The following ARK2C variants were observed in gnomAD, a reference collection of about 807,000 sequenced individuals.
ARK2C encodes E3 ubiquitin-protein ligase ARK2C.
chr18:46,352,752 C>T, the ARK2C span, among the ~76,000 whole-genome samples: 1 of 152,206 alleles, frequency 6.6e-6, no homozygotes, highest in African/African-American at 2.4e-5. Context: ...CACGTAACCA[C>T]CCTTAGCTGT....
the ARK2C span, among the ~76,000 whole-genome samples, chr18:46,426,656 A>G: frequency 1.3e-5 from 2 of 151,874 alleles, no homozygotes; most frequent in South Asian, 2.1e-4. Context: ...TAAGATGCAC[A>G]TTTTTCTTCT....
At chr18:46,342,370 G>A in the ARK2C span, among the ~76,000 whole-genome samples, 1 of 152,238 alleles carries the variant, frequency 6.6e-6, no homozygotes, top group Admixed American at 6.5e-5. Flanking sequence ...GATTCTGAAT[G>A]CTAGGCTCTT....
At chr18:46,435,525 G>A in the ARK2C span, 100 of 722,562 alleles carry the variant, frequency 1.4e-4, no homozygotes, top group African/African-American at 7.5e-4. Context: ...AGGCCCCAGC[G>A]TTTGCCTCTG....
At chr18:46,449,521 C>A in the ARK2C span, among the ~76,000 whole-genome samples, 2 of 152,238 alleles carry the variant, frequency 1.3e-5, no homozygotes, top group African/African-American at 4.8e-5. Context: ...TATGGTTTGG[C>A]TCTGTATCCC....
the ARK2C span, chr18:46,334,472 C>T: frequency 3.6e-5 from 26 of 725,478 alleles, 1 homozygote; most frequent in South Asian, 6.8e-4. The surrounding 1 kb of genome is among the most constrained non-coding windows in gnomAD (Gnocchi z 4.4). Context: ...TTCCCCCCAC[C>T]CCATTTTAGG....
the ARK2C span, among the ~76,000 whole-genome samples, chr18:46,418,579 A>G: frequency 6.6e-6 from 1 of 152,264 alleles, no homozygotes; most frequent in Non-Finnish European, 1.5e-5. Context: ...AGGACAGGAC[A>G]GAACTAGATT....
At chr18:46,416,330 A>T in the ARK2C span, among the ~76,000 whole-genome samples, 1 of 152,190 alleles carries the variant, frequency 6.6e-6, no homozygotes, top group Non-Finnish European at 1.5e-5. Context: ...CTGGCTCATG[A>T]TAAGGAAGCC....
the ARK2C span, among the ~76,000 whole-genome samples, chr18:46,389,286 T>C: frequency 6.6e-6 from 1 of 152,220 alleles, no homozygotes; most frequent in Non-Finnish European, 1.5e-5. Flanking sequence ...AATGGGTAAA[T>C]TTCTGTTATA....
the ARK2C span, among the ~76,000 whole-genome samples, chr18:46,387,399 AG>A: frequency 1.3e-5 from 2 of 152,228 alleles, no homozygotes; most frequent in Non-Finnish European, 2.9e-5. Context: ...TGGACAGTGC[AG>A]GCCTTTGGGA....
At chr18:46,375,149 G>C in the ARK2C span, among the ~76,000 whole-genome samples, 1 of 151,968 alleles carries the variant, frequency 6.6e-6, no homozygotes, top group Non-Finnish European at 1.5e-5. Context: ...AACTCCCCCC[G>C]CCCTCAGAGG....
chr18:46,362,854 A>G, the ARK2C span, among the ~76,000 whole-genome samples: 11 of 152,328 alleles, frequency 7.2e-5, no homozygotes, highest in East Asian at 2.1e-3. Flanking sequence ...AGGTGTGTTC[A>G]CTCAGTCCTT....
chr18:46,350,190 C>T, the ARK2C span, among the ~76,000 whole-genome samples: 5 of 152,226 alleles, frequency 3.3e-5, no homozygotes, highest in Non-Finnish European at 5.9e-5. Context: ...GAAGCCCCTA[C>T]CCCACCATCG....
the ARK2C span, among the ~76,000 whole-genome samples, chr18:46,446,619 C>T: frequency 5.6e-4 from 77 of 137,532 alleles, 1 homozygote; most frequent in African/African-American, 2.0e-3. Context: ...TGCAGTGAGC[C>T]GAGATCGCAC....
the ARK2C span, among the ~76,000 whole-genome samples, chr18:46,448,083 C>G: frequency 6.6e-6 from 1 of 151,006 alleles, no homozygotes; most frequent in Non-Finnish European, 1.5e-5. Context: ...GGTGCCCTGG[C>G]CCCCTTATAT....
the ARK2C span, among the ~76,000 whole-genome samples, chr18:46,444,460 T>A: frequency 4.6e-5 from 7 of 152,118 alleles, no homozygotes; most frequent in East Asian, 1.4e-3. Flanking sequence ...ATGGTGTGCT[T>A]CATTTTGGAT....
the ARK2C span, chr18:46,435,512 C>A: frequency 1.2e-6 from 1 of 802,852 alleles, no homozygotes; most frequent in Non-Finnish European, 2.0e-6. Flanking sequence ...AGGCCTAGTT[C>A]TCAGGCCCCA....
chr18:46,394,198 A>G, the ARK2C span, among the ~76,000 whole-genome samples: 10 of 152,310 alleles, frequency 6.6e-5, no homozygotes, highest in African/African-American at 2.2e-4. Flanking sequence ...CAGGGCAAAA[A>G]CAAGGGCCTG....
the ARK2C span, among the ~76,000 whole-genome samples, chr18:46,390,293 C>A: frequency 6.6e-6 from 1 of 152,222 alleles, no homozygotes; most frequent in Non-Finnish European, 1.5e-5. Flanking sequence ...AGCCTCACAG[C>A]CATCCCCAAC....
the ARK2C span, among the ~76,000 whole-genome samples, chr18:46,367,544 T>C: frequency 6.6e-6 from 1 of 152,204 alleles, no homozygotes; most frequent in Non-Finnish European, 1.5e-5. Flanking sequence ...TAGGTGGGTC[T>C]ATTGGACCCA....
Sources: gnomAD v4.1 joint callset for allele counts (sites outside exome capture counted in the v4.1 genomes callset) on GRCh38, gnomAD v4.1.1 for gene constraint, Gnocchi (gnomAD v3.1) non-coding constraint, MANE v1.5 for transcripts, NCBI Gene and HGNC (gene_info 2026-07-23, HGNC 2026-07-21) for gene names.